Variants in ARHGEF10L observed in about 807,000 individuals in gnomAD.
ARHGEF10L encodes the protein rho guanine nucleotide exchange factor 10-like protein.
A neutral mutation model predicts 141.2 loss-of-function variants in ARHGEF10L; 69 were observed. That is an observed-to-expected ratio of 0.49 (90% CI 0.40 to 0.60). The LOEUF is 0.60. Ranked by LOEUF, ARHGEF10L falls within the 20% of genes least tolerant of loss-of-function variation. ARHGEF10L has a pLI of 0.00. For synonymous variants in ARHGEF10L, 711 were observed against 718.5 expected (o/e 0.99, Z 0.17); for missense variants, 1,482 against 1,734.3 (o/e 0.85, Z 2.58).
chr1:17,549,997 A>G (rs2077052743), intron 1 of ARHGEF10L, among the ~76,000 whole-genome samples: 1 of 152,178 alleles, frequency 6.6e-6, no homozygotes, highest in Non-Finnish European at 1.5e-5. Context: ...TTACCTTTGC[A>G]AAAGATCCCA....
At chr1:17,609,034 C>T (rs140504799) in intron 7 of ARHGEF10L, among the ~76,000 whole-genome samples, 62 of 152,332 alleles carry the variant, frequency 4.1e-4, no homozygotes, top group African/African-American at 8.2e-4. Flanking sequence ...CCACCTGCCT[C>T]GGCCTCCTAA....
At position 17,654,667 on chromosome 1, in the gene ARHGEF10L, G is replaced by A. The variant is rs978483235; in HGVS notation, c.2426G>A (p.Cys809Tyr). Residue 809 changes from cysteine to tyrosine, a missense_variant, in exon 23 of 29, where the codon TGT (cysteine) becomes TAT (tyrosine). Physicochemically the swap from Cys to Tyr is radical, Grantham distance 194. Around this residue, in one of 3 missense-constraint regions of ARHGEF10L, gnomAD observed 858 missense variants for 966.3 expected, o/e 0.89. Coordinates refer to ENST00000361221, the MANE Select transcript of ARHGEF10L (RefSeq NM_018125.4). This position sits in a 1 kb window ranked among gnomAD's most constrained non-coding sequence, Gnocchi z 4.3. ...LGALVHSPVN[C>Y]PLLGFSAVST... The stretch of plus-strand genomic sequence containing the variant: ...GCCCTGGTCCACAGTCCTGTCAACT[G>A]TCCCCTGCTGGGTTTCTCAGCAGTC... The A allele has an allele frequency of 1.2e-6, 2 of 1,614,174 alleles. No homozygotes were observed. Among genetic ancestry groups the A allele is most frequent in the African/African-American group, 1.3e-5 (1 of 75,036 alleles).
At chr1:17,670,462 C>A (rs2063253814) in intron 26 of ARHGEF10L, among the ~76,000 whole-genome samples, 1 of 152,010 alleles carries the variant, frequency 6.6e-6, no homozygotes, top group African/African-American at 2.4e-5. Flanking sequence ...GTTTGGAGTT[C>A]ATTTTAACCG....
At chr1:17,598,252 CCA>C (rs746978080) in intron 4 of ARHGEF10L, among the ~76,000 whole-genome samples, 9 of 152,126 alleles carry the variant, frequency 5.9e-5, no homozygotes, top group Non-Finnish European at 1.2e-4. Flanking sequence ...CAGGCATGTA[CCA>C]CCATGCCTGG....
rs2060205547 is a variant in ARHGEF10L at position 17,623,319 on chromosome 1, G to A, written c.1200+144G>A. 3.0e-6 allele frequency: 3 copies of A among 989,472 alleles called. No homozygotes were observed. Among genetic ancestry groups the A allele is most frequent in the Admixed American group, 2.7e-5 (1 of 36,552 alleles). The allele number at this position is 989,472 out of a possible 1,614,324, so 61.3% of individuals were successfully genotyped here. A position where few individuals can be genotyped will look rare whatever the true frequency, so the allele number is the denominator to read the frequency against. On this transcript the variant is annotated intron_variant, in intron 12 of 28. Transcript: ENST00000361221. The surrounding 1 kb of genome is among the most constrained non-coding windows in gnomAD (Gnocchi z 4.7). ...ATTAGAGGGTGGCAGGGTCTTCTGG[G>A]CCTGATCTAGGGGTGAGTGTGACAC...
chr1:17,518,517 C>G, the ARHGEF10L span, among the ~76,000 whole-genome samples: 3 of 152,102 alleles, frequency 2.0e-5, no homozygotes, highest in Non-Finnish European at 4.4e-5. Context: ...TGAGGCCAGG[C>G]GCAGTGGCTC....
Position 17,632,425 on chromosome 1 carries a change from C to T in ARHGEF10L, c.1689C>T (p.Phe563=). 1 of 1,614,152 alleles carries T rather than the reference C, an allele frequency of 6.2e-7. No individual in the cohort carries two copies. Among genetic ancestry groups the T allele is most frequent in the Non-Finnish European group, 8.5e-7 (1 of 1,180,028 alleles). ...QLIKSKERRV[F]LLNDMLVCAN... ...TTAAGTCCAAGGAGCGTCGGGTCTTCCTGCTCAACGACATGCTTGTCTGTG... is the reference window on the plus strand; with the variant it reads ...TTAAGTCCAAGGAGCGTCGGGTCTTTCTGCTCAACGACATGCTTGTCTGTG... The change falls in exon 16 of 29, where the codon TTC becomes TTT. Residue 563 remains phenylalanine, a synonymous_variant. Transcript: ENST00000361221.
chr1:17,693,899 C>T (rs976220661), intron 27 of ARHGEF10L: 3 of 152,174 alleles, frequency 2.0e-5, no homozygotes, highest in South Asian at 2.1e-4. Context: ...CCAGTGAAGC[C>T]TAAGGAAGTG....
chr1:17,588,375 G>A, intron 3 of ARHGEF10L, 71 bp from the exon 4 acceptor site: 1 of 1,574,028 alleles, frequency 6.4e-7, no homozygotes, highest in Non-Finnish European at 8.7e-7. Flanking sequence ...CTGGGAAAGG[G>A]GCGGGGAAGG....
upstream of ARHGEF10L, among the ~76,000 whole-genome samples, chr1:17,535,997 G>A (rs983334370): frequency 6.6e-5 from 10 of 152,228 alleles, no homozygotes; most frequent in African/African-American, 2.4e-4. Context: ...AATGCAGGCT[G>A]CAGGTAGGGG....
chr1:17,697,254 G>A lies in ARHGEF10L; in HGVS notation c.3714G>A (p.Val1238=). ...RDAHRKEICS[V]AIISGGQGYR... is the part of the protein sequence containing the mutation. The stretch of plus-strand genomic sequence containing the variant: ...CCCACCGCAAGGAGATTTGCTCTGT[G>A]GCCATCATCTCCGGCGGGCAGGGCT... The change falls in exon 29 of 29, where the codon GTG becomes GTA. Residue 1238 remains valine, a synonymous_variant. Coordinates refer to ENST00000361221, the MANE Select transcript of ARHGEF10L (RefSeq NM_018125.4). This position sits in a 1 kb window ranked among gnomAD's most constrained non-coding sequence, Gnocchi z 4.8. The A allele has an allele frequency of 6.2e-7, 1 of 1,612,722 alleles. No homozygotes were observed. Among genetic ancestry groups the A allele is most frequent in the Non-Finnish European group, 8.5e-7 (1 of 1,179,816 alleles).
At chr1:17,520,755 A>T in the ARHGEF10L span, among the ~76,000 whole-genome samples, 2 of 152,180 alleles carry the variant, frequency 1.3e-5, no homozygotes, top group African/African-American at 4.8e-5. Flanking sequence ...GGGCGTGTGT[A>T]GGGGGGACTT....
intron 27 of ARHGEF10L, among the ~76,000 whole-genome samples, chr1:17,688,124 C>A (rs938780951): frequency 2.6e-5 from 4 of 152,358 alleles, no homozygotes; most frequent in Admixed American, 1.3e-4. Flanking sequence ...AAATGCCCTG[C>A]AGGATGAGGT....
At chr1:17,608,322 G>T (rs1475745490) in intron 7 of ARHGEF10L, among the ~76,000 whole-genome samples, 1 of 152,194 alleles carries the variant, frequency 6.6e-6, no homozygotes, top group Non-Finnish European at 1.5e-5. Flanking sequence ...CCGCACTCCA[G>T]GTAGCCCAGC....
chr1:17,660,940 TCA>T (rs1302802095), intron 25 of ARHGEF10L, among the ~76,000 whole-genome samples: 1 of 152,212 alleles, frequency 6.6e-6, no homozygotes. Flanking sequence ...GATCTCAGAA[TCA>T]CAGTGTGTGA....
Position 17,656,064 on chromosome 1 carries a change from G to A in ARHGEF10L, c.2667G>A (p.Thr889=), listed in dbSNP as rs867984. ...CGACAGTTGCTGACCCCTCGGCCACGGTGCATCCAACCATCTGCCTCGGGC... is the reference window on the plus strand; with the variant it reads ...CGACAGTTGCTGACCCCTCGGCCACAGTGCATCCAACCATCTGCCTCGGGC... ...ESPTVADPSA[T]VHPTICLGLQ... The change falls in exon 24 of 29, where the codon ACG becomes ACA. Residue 889 remains threonine, a synonymous_variant. Transcript: ENST00000361221. This position sits in a 1 kb window ranked among gnomAD's most constrained non-coding sequence, Gnocchi z 4.9. 246,003 of 1,561,654 alleles carry A rather than the reference G, an allele frequency of 0.16. 20,469 individuals carry two copies. Among genetic ancestry groups the A allele is most frequent in the Non-Finnish European group, 0.17 (194,430 of 1,152,650 alleles).
At position 17,696,864 on chromosome 1, in the gene ARHGEF10L, A is replaced by G. The variant is rs1323308382; in HGVS notation, c.3324A>G (p.Ser1108=). The G allele has an allele frequency of 6.4e-7, 1 of 1,562,320 alleles. No individual in the cohort carries two copies. Among genetic ancestry groups the G allele is most frequent in the African/African-American group, 1.4e-5 (1 of 73,184 alleles). ...IPKITGKGMV[S]LNGHCGPVAF... ...TTTCTGCAGGGAAAGGCATGGTCTC[A>G]CTCAACGGGCACTGTGGGCCTGTGG... Residue 1108 remains serine, a synonymous_variant, in exon 29 of 29, where the codon TCA becomes TCG. Transcript: ENST00000361221.
intron 18 of ARHGEF10L, 82 bp downstream of exon 18, chr1:17,635,098 G>GCC (rs1417658682): frequency 6.4e-7 from 1 of 1,556,194 alleles, no homozygotes. Flanking sequence ...CCCAGGCTTG[G>GCC]CCCTGTCTTG....
chr1:17,536,587 C>A (rs970679288), upstream of ARHGEF10L, among the ~76,000 whole-genome samples: 1 of 152,156 alleles, frequency 6.6e-6, no homozygotes, highest in African/African-American at 2.4e-5. Context: ...CTGGCCTGGA[C>A]TGTGAGGGCT....
Sources: gnomAD v4.1 joint callset for allele counts (sites outside exome capture counted in the v4.1 genomes callset) on GRCh38, gnomAD v4.1.1 for gene constraint, gnomAD v4.1.1 regional missense constraint, Gnocchi (gnomAD v3.1) non-coding constraint, MANE v1.5 for transcripts, NCBI Gene and HGNC (gene_info 2026-07-23, HGNC 2026-07-21) for gene names.